The following KYAT3 variants were observed in gnomAD, a reference collection of about 807,000 sequenced individuals.
The protein encoded by KYAT3 is kynurenine--oxoglutarate transaminase 3.
A neutral mutation model predicts 59.0 loss-of-function variants in KYAT3; 50 were observed. The observed-to-expected ratio is 0.85, with a 90% CI of 0.68 to 1.07. The LOEUF is 1.07. Ranked by LOEUF, KYAT3 falls within the 50% of genes least tolerant of loss-of-function variation. The pLI is 0.00. For missense variants in KYAT3, 497 were observed against 533.3 expected, an observed-to-expected ratio of 0.93 and a Z score of 0.67; for synonymous variants, 148 against 177.0, an observed-to-expected ratio of 0.84 and a Z score of 1.30.
intron 11 of KYAT3, among the ~76,000 whole-genome samples, chr1:88,946,076 C>A (rs1373430637): frequency 6.6e-6 from 1 of 152,142 alleles, no homozygotes; most frequent in Non-Finnish European, 1.5e-5. Context: ...AGTTTTATCA[C>A]TGTTCTTTTG....
At chr1:88,953,033 G>A (rs1675745349) in intron 10 of KYAT3, 30 bp downstream of exon 10, 1 of 1,329,462 alleles carries the variant, frequency 7.5e-7, no homozygotes, top group Non-Finnish European at 1.1e-6. Context: ...AAAAGACAAT[G>A]CTTCTACCCT....
chr1:88,955,597 CCAGTGG>C (rs1239313067), intron 8 of KYAT3, among the ~76,000 whole-genome samples: 1 of 152,152 alleles, frequency 6.6e-6, no homozygotes, highest in Non-Finnish European at 1.5e-5. Flanking sequence ...ATAAAATAGG[CCAGTGG>C]CAGGGCTTAG....
intron 2 of KYAT3, chr1:88,983,638 C>T (rs1410560561): frequency 6.2e-7 from 1 of 1,613,840 alleles, no homozygotes; most frequent in East Asian, 2.2e-5. Flanking sequence ...TGGCTGCATC[C>T]TTAGCGTCTG....
chr1:88,964,931 A>C lies in KYAT3; in HGVS notation c.351T>G (p.Leu117=). Reference sequence around the variant, plus strand: ...TATTTGAATCAATTTGCTTTTGATAAAGCTTTTCATACAGATAGGACAGAG... The same window carrying C: ...TATTTGAATCAATTTGCTTTTGATACAGCTTTTCATACAGATAGGACAGAG... ...VKALSYLYEK[L]YQKQIDSNKE... Residue 117 remains leucine (L), a synonymous_variant, in exon 5 of 14, where the codon CTT becomes CTG. Transcript: ENST00000260508. 1 of 1,610,980 alleles carries C rather than the reference A, an allele frequency of 6.2e-7. No individual in the cohort carries two copies. Among genetic ancestry groups the C allele is most frequent in the Non-Finnish European group, 8.5e-7 (1 of 1,179,108 alleles).
At chr1:88,954,927 A>G (rs535240716) in intron 9 of KYAT3, among the ~76,000 whole-genome samples, 5 of 152,256 alleles carry the variant, frequency 3.3e-5, no homozygotes, top group African/African-American at 1.2e-4. Context: ...CTGCCTGGCT[A>G]ATTTTTAAAA....
At chr1:88,955,783 C>A (rs1570792608) in intron 8 of KYAT3, among the ~76,000 whole-genome samples, 1 of 152,292 alleles carries the variant, frequency 6.6e-6, no homozygotes, top group East Asian at 1.9e-4. Context: ...CCCAGACCTA[C>A]TGAATCAGAA....
At chr1:88,932,866 A>G (rs1387087423), downstream of KYAT3, among the ~76,000 whole-genome samples, 1 of 152,158 alleles carries the variant, frequency 6.6e-6, no homozygotes, top group Admixed American at 6.6e-5. Context: ...CATCCTTATA[A>G]TAAGTCCTTG....
At chr1:88,929,678 G>A in the KYAT3 span, among the ~76,000 whole-genome samples, 1 of 152,108 alleles carries the variant, frequency 6.6e-6, no homozygotes, top group East Asian at 1.9e-4. Context: ...CGCCATCTGT[G>A]GCTACAAAGT....
intron 10 of KYAT3, among the ~76,000 whole-genome samples, chr1:88,949,736 G>A (rs1181925269): frequency 6.6e-6 from 1 of 152,144 alleles, no homozygotes; most frequent in Non-Finnish European, 1.5e-5. Context: ...CCATAGGTGT[G>A]GAAATCCTTG....
At chr1:88,941,599 A>G (rs1468441106) in intron 13 of KYAT3, among the ~76,000 whole-genome samples, 1 of 151,378 alleles carries the variant, frequency 6.6e-6, no homozygotes, top group Admixed American at 6.6e-5. Flanking sequence ...GCTGTTTCTG[A>G]TAAGAAGTTA....
intron 2 of KYAT3, among the ~76,000 whole-genome samples, chr1:88,978,057 A>T (rs1557701973): frequency 6.6e-6 from 1 of 152,044 alleles, no homozygotes; most frequent in Non-Finnish European, 1.5e-5. Context: ...TTGTATATAG[A>T]TATGTATGTA....
chr1:88,988,201 G>T, intron 2 of KYAT3, 51 bp downstream of exon 2: 1 of 1,134,798 alleles, frequency 8.8e-7, no homozygotes, highest in Non-Finnish European at 1.3e-6. Flanking sequence ...CATATTTTTT[G>T]GACAGTGCAG....
downstream of KYAT3, among the ~76,000 whole-genome samples, chr1:88,935,372 G>C (rs1317510512): frequency 8.9e-6 from 1 of 112,024 alleles, no homozygotes; most frequent in Non-Finnish European, 2.0e-5. Flanking sequence ...GAGAGAGAGA[G>C]AGAGAAAAAA....
At chr1:88,982,601 C>T in intron 2 of KYAT3, 1 of 1,538,286 alleles carries the variant, frequency 6.5e-7, no homozygotes, top group Non-Finnish European at 8.7e-7. Context: ...ATAGTTTCCA[C>T]TCTTTTTTTT....
intron 10 of KYAT3, among the ~76,000 whole-genome samples, chr1:88,952,301 C>T (rs1008382735): frequency 2.0e-5 from 3 of 152,178 alleles, no homozygotes; most frequent in Admixed American, 2.0e-4. Flanking sequence ...TACGTAACTT[C>T]TTACATGTGC....
chr1:88,992,286 G>A (rs1357836601), intron 1 of KYAT3, among the ~76,000 whole-genome samples: 4 of 152,218 alleles, frequency 2.6e-5, no homozygotes, highest in Non-Finnish European at 4.4e-5. Flanking sequence ...TTTAAATTAA[G>A]AGTCCCAAAG....
exon 1 of KYAT3, chr1:88,992,627 ACTGGGCTTGAGGGCCCGG>A (rs1677884846): frequency 6.5e-6 from 1 of 152,700 alleles, no homozygotes; most frequent in Admixed American, 6.5e-5. Context: ...TCGAGTCCCG[ACTGGGCTTGAGGGCCCGG>A]CTGGGCGGGA....
At chr1:88,990,368 T>C (rs1342048811) in intron 1 of KYAT3, among the ~76,000 whole-genome samples, 1 of 152,204 alleles carries the variant, frequency 6.6e-6, no homozygotes, top group African/African-American at 2.4e-5. Flanking sequence ...TTCCTCAATC[T>C]ACGCTCCTCA....
At chr1:88,949,788 A>C (rs1244005507) in intron 10 of KYAT3, among the ~76,000 whole-genome samples, 1 of 152,232 alleles carries the variant, frequency 6.6e-6, no homozygotes, top group Non-Finnish European at 1.5e-5. Context: ...AAAGTGTAAG[A>C]GGGACTAGAA....
Sources: allele counts gnomAD v4.1 joint callset (sites outside exome capture counted in the v4.1 genomes callset), GRCh38; gene constraint gnomAD v4.1.1; transcripts MANE v1.5; gene names NCBI Gene and HGNC (gene_info 2026-07-23, HGNC 2026-07-21).